Variants in LANCL3 observed in about 807,000 individuals in gnomAD.
The protein encoded by LANCL3 is LanC like family member 3.
LANCL3 carries 19 observed loss-of-function variants against 26.5 expected under a neutral mutation model. The observed-to-expected ratio is 0.72, with a 90% CI of 0.50 to 1.05. The LOEUF is 1.05. LANCL3 is among the 50% of genes least tolerant of loss of function. LANCL3 has a pLI of 0.00. For synonymous variants in LANCL3, 160 were observed against 166.6 expected, an observed-to-expected ratio of 0.96 and a Z score of 0.30; for missense variants, 318 against 362.7, an observed-to-expected ratio of 0.88 and a Z score of 1.00.
In LANCL3 at chrX:37,571,849, A is replaced by T. The variant is rs1436502211; in HGVS notation, c.-22A>T. 1 of 1,180,896 alleles carries T rather than the reference A, an allele frequency of 8.5e-7. No individual in the cohort carries two copies. Among genetic ancestry groups the T allele is most frequent in the South Asian group, 1.9e-5 (1 of 53,079 alleles). Reference sequence around the variant, plus strand: ...GACTTCAAGCGGTCCTCAGCTCCGCACTAGGGGGCACGGGCAACAGCATGG... The same window carrying T: ...GACTTCAAGCGGTCCTCAGCTCCGCTCTAGGGGGCACGGGCAACAGCATGG... On this transcript the variant is annotated 5_prime_UTR_variant, in exon 1 of 5. Coordinates refer to ENST00000378619, the MANE Select transcript of LANCL3 (RefSeq NM_001170331.2).
At chrX:37,581,392 A>G (rs782506088) in intron 1 of LANCL3, among the ~76,000 whole-genome samples, 1 of 112,285 alleles carries the variant, frequency 8.9e-6, no homozygotes, top group African/African-American at 3.2e-5. Context: ...TTCCTAATAG[A>G]TGTAATTTTT....
In LANCL3 at chrX:37,594,936, A is replaced by G. The variant is rs782499559; in HGVS notation, c.573+22493A>G. Among the ~76,000 whole-genome samples, 3 of 111,961 alleles carry G rather than the reference A, an allele frequency of 2.7e-5. No individual in the cohort carries two copies. In the East Asian group the frequency reaches 8.4e-4, roughly 31 times the overall value. ...CATGTATGGTTAAGTACGTGGAGCGAAATTAGATGGCAAGTTGTGCAATAA... is the reference window on the plus strand; with the variant it reads ...CATGTATGGTTAAGTACGTGGAGCGGAATTAGATGGCAAGTTGTGCAATAA... On this transcript the variant is annotated intron_variant, in intron 1 of 4. Transcript: ENST00000378619.
At chrX:37,572,758 C>T (rs1379877476) in intron 1 of LANCL3, among the ~76,000 whole-genome samples, 5 of 112,046 alleles carry the variant, frequency 4.5e-5, no homozygotes, top group African/African-American at 1.6e-4. Context: ...AGATGAAAAC[C>T]TCAGAAATGG....
intron 1 of LANCL3, among the ~76,000 whole-genome samples, chrX:37,584,755 A>T (rs1187462928): frequency 1.8e-5 from 2 of 110,797 alleles, no homozygotes; most frequent in Non-Finnish European, 3.8e-5. Flanking sequence ...CAGCTCCTGG[A>T]TTCATTAATT....
intron 1 of LANCL3, among the ~76,000 whole-genome samples, chrX:37,584,112 G>A (rs1454011606): frequency 9.0e-6 from 1 of 111,552 alleles, no homozygotes; most frequent in Non-Finnish European, 1.9e-5. Context: ...TTATATGCTG[G>A]ATTACGTTTA....
intron 1 of LANCL3, among the ~76,000 whole-genome samples, chrX:37,632,529 A>T (rs1925555150): frequency 9.0e-6 from 1 of 111,360 alleles, no homozygotes; most frequent in African/African-American, 3.3e-5. Context: ...TCGTTAGTTG[A>T]TGCAGTTTCT....
chrX:37,671,966 A>G (rs181476096), intron 4 of LANCL3, among the ~76,000 whole-genome samples: 1 of 111,474 alleles, frequency 9.0e-6, no homozygotes, highest in Non-Finnish European at 1.9e-5. Context: ...AAAAGAAAGT[A>G]ATTTTGGATA....
chrX:37,584,843 T>A (rs1408146672), intron 1 of LANCL3, among the ~76,000 whole-genome samples: 1 of 111,918 alleles, frequency 8.9e-6, no homozygotes, highest in African/African-American at 3.3e-5. Context: ...TGCTAGTTTT[T>A]GAGTGTGTTT....
chrX:37,673,366 G>C (rs782632347), intron 4 of LANCL3, among the ~76,000 whole-genome samples: 1 of 110,821 alleles, frequency 9.0e-6, no homozygotes, highest in East Asian at 2.8e-4. Flanking sequence ...TATACATGCT[G>C]AATTAGAAAG....
intron 4 of LANCL3, among the ~76,000 whole-genome samples, chrX:37,667,854 A>G (rs1926582100): frequency 9.0e-6 from 1 of 111,427 alleles, no homozygotes; most frequent in Admixed American, 9.6e-5. Context: ...CAGAAGGGGA[A>G]GGAAAACAGA....
chrX:37,575,251 T>C (rs1923716635), intron 1 of LANCL3, among the ~76,000 whole-genome samples: 1 of 111,292 alleles, frequency 9.0e-6, no homozygotes. Context: ...ACTTCCTCAA[T>C]GAGGCTTTTC....
intron 1 of LANCL3, among the ~76,000 whole-genome samples, chrX:37,595,756 A>G (rs1924410197): frequency 8.9e-6 from 1 of 112,134 alleles, no homozygotes; most frequent in Non-Finnish European, 1.9e-5. Flanking sequence ...AAAATTTCAT[A>G]TATATTTCTG....
At chrX:37,576,067 G>C in intron 1 of LANCL3, among the ~76,000 whole-genome samples, 1 of 112,069 alleles carries the variant, frequency 8.9e-6, no homozygotes, top group East Asian at 2.8e-4. Context: ...GTCCATATAA[G>C]CTAGCGTACA....
intron 1 of LANCL3, among the ~76,000 whole-genome samples, chrX:37,595,264 G>A (rs2146722014): frequency 8.9e-6 from 1 of 112,279 alleles, no homozygotes; most frequent in East Asian, 2.8e-4. Flanking sequence ...CAGAAGGAAG[G>A]AAGGAATACA....
chrX:37,587,198 C>G (rs187271100), intron 1 of LANCL3, among the ~76,000 whole-genome samples: 5 of 112,684 alleles, frequency 4.4e-5, no homozygotes, highest in Admixed American at 2.8e-4. Flanking sequence ...AGGTGTCAGT[C>G]TACCCCTACT....
chrX:37,652,409 T>G (rs1926173036), intron 1 of LANCL3, among the ~76,000 whole-genome samples: 1 of 111,864 alleles, frequency 8.9e-6, no homozygotes, highest in Non-Finnish European at 1.9e-5. Flanking sequence ...TGTCTCTTCA[T>G]ACTCAGGCCA....
rs201090311 is a variant in LANCL3, at chrX:37,572,374, C to G, written c.504C>G (p.Asp168Glu). 9.1e-4 allele frequency: 1,064 copies of G among 1,169,692 alleles called. No homozygotes were observed. The highest frequency in any genetic ancestry group is 1.1e-3 in the Non-Finnish European group (948 of 874,589). ...TCTCCTTCCTGGAGTGCGGCTCCGACGAGCTGTTCGTGGGCCGCGCGGGTT... is the reference window on the plus strand; with the variant it reads ...TCTCCTTCCTGGAGTGCGGCTCCGAGGAGCTGTTCGTGGGCCGCGCGGGTT... ...APVSFLECGSDELFVGRAGYL... is the reference protein window; with the variant it reads ...APVSFLECGSEELFVGRAGYL... Residue 168 changes from aspartate to glutamate, a missense_variant, in exon 1 of 5, where the codon GAC (aspartate) becomes GAG (glutamate). By Grantham distance (45) the Asp-to-Glu change is conservative. Coordinates refer to ENST00000378619, the MANE Select transcript of LANCL3 (RefSeq NM_001170331.2).
intron 3 of LANCL3, among the ~76,000 whole-genome samples, chrX:37,666,866 C>T (rs1556434109): frequency 8.9e-6 from 1 of 112,253 alleles, no homozygotes; most frequent in East Asian, 2.8e-4. Flanking sequence ...CATTACAATA[C>T]AAATATTTAG....
At chrX:37,578,188 A>G (rs1556416623) in intron 1 of LANCL3, among the ~76,000 whole-genome samples, 2 of 112,266 alleles carry the variant, frequency 1.8e-5, no homozygotes, top group African/African-American at 6.5e-5. Flanking sequence ...ATCTTTTTCT[A>G]AAGTCATGTA....
Sources: allele counts gnomAD v4.1 joint callset (sites outside exome capture counted in the v4.1 genomes callset), GRCh38; gene constraint gnomAD v4.1.1; transcripts MANE v1.5; gene names NCBI Gene and HGNC (gene_info 2026-07-23, HGNC 2026-07-21).